The following DPYS variants were observed in gnomAD, a reference collection of about 807,000 sequenced individuals.
DPYS encodes dihydropyrimidine amidohydrolase.
Under a neutral mutation model 50.3 loss-of-function variants are expected in DPYS, and 39 were observed. The ratio of observed to expected loss-of-function variants is 0.78; its 90% confidence interval spans 0.60 to 1.01. The LOEUF is 1.01. Among genes scored for constraint, DPYS ranks in the 50% least tolerant of loss-of-function variants. The pLI, the probability that DPYS is intolerant of heterozygous loss-of-function variation, is 0.00. For missense variants in DPYS, 659 were observed against 680.9 expected, an observed-to-expected ratio of 0.97 and a Z score of 0.36; for synonymous variants, 245 against 250.7, an observed-to-expected ratio of 0.98 and a Z score of 0.22.
At chr8:104,442,349 G>T (rs1329606392) in intron 4 of DPYS, among the ~76,000 whole-genome samples, 3 of 152,160 alleles carry the variant, frequency 2.0e-5, no homozygotes, top group Admixed American at 6.5e-5. Context: ...CTTCCTGACA[G>T]AACAGTCAAA....
intron 8 of DPYS, among the ~76,000 whole-genome samples, chr8:104,391,972 T>C (rs908581629): frequency 2.6e-5 from 4 of 152,100 alleles, no homozygotes; most frequent in African/African-American, 9.7e-5. Context: ...AAGGAAACAT[T>C]GTTGTCATTT....
At chr8:104,419,363 T>G (rs1812475159) in intron 7 of DPYS, 2 of 152,306 alleles carry the variant, frequency 1.3e-5, no homozygotes, top group African/African-American at 2.4e-5. Context: ...TTATTGTGCT[T>G]CTTCTCTATG....
In DPYS at chr8:104,463,325, T is replaced by A. The variant is rs578197718; in HGVS notation, c.264+3332A>T. 7.9e-5 allele frequency among the ~76,000 whole-genome samples: 12 copies of A among 152,348 alleles called. No individual in the cohort carries two copies. In the East Asian group the frequency reaches 2.3e-3, roughly 29 times the overall value. On this transcript the variant is annotated intron_variant, in intron 1 of 9. Coordinates refer to ENST00000351513, the MANE Select transcript of DPYS (RefSeq NM_001385.3). Reference sequence around the variant, plus strand: ...ACTTATTTTGATAACCTTAACTGCCTCTAGCTTTAGGAAAGTGAAGAGTTA... The same window carrying A: ...ACTTATTTTGATAACCTTAACTGCCACTAGCTTTAGGAAAGTGAAGAGTTA...
chr8:104,416,425 C>A (rs1007851230), intron 7 of DPYS, among the ~76,000 whole-genome samples: 6 of 152,180 alleles, frequency 3.9e-5, no homozygotes, highest in African/African-American at 1.4e-4. Context: ...TGGTACAGCC[C>A]TGATATTGTG....
Position 104,424,269 on chromosome 8 carries a change from T to C in DPYS, c.1213A>G (p.Ile405Val). Reference protein sequence around the residue: ...IAVGSDADIVIWDPKGTRTIS... With the variant: ...IAVGSDADIVVWDPKGTRTIS... Reference sequence around the variant, plus strand: ...TACCTTGTGCCTTTTGGGTCCCAAATAACAATGTCAGCATCTGATCCTACA... The same window carrying C: ...TACCTTGTGCCTTTTGGGTCCCAAACAACAATGTCAGCATCTGATCCTACA... Residue 405 changes from isoleucine (I) to valine (V), a missense_variant, in exon 7 of 10, where the codon ATT (isoleucine) becomes GTT (valine). By Grantham distance (29) the Ile-to-Val change is conservative. Coordinates refer to ENST00000351513, the MANE Select transcript of DPYS (RefSeq NM_001385.3). 1 of 1,614,140 alleles carries C rather than the reference T, an allele frequency of 6.2e-7. No homozygotes were observed. The highest frequency in any genetic ancestry group is 8.5e-7 in the Non-Finnish European group (1 of 1,180,000).
chr8:104,408,396 C>T (rs1812066226), intron 7 of DPYS, among the ~76,000 whole-genome samples: 1 of 152,088 alleles, frequency 6.6e-6, no homozygotes, highest in African/African-American at 2.4e-5. Flanking sequence ...ATAGATATTT[C>T]TCCATAAGAA....
intron 1 of DPYS, among the ~76,000 whole-genome samples, chr8:104,456,274 T>G (rs1224620141): frequency 6.6e-6 from 1 of 152,186 alleles, no homozygotes; most frequent in African/African-American, 2.4e-5. Flanking sequence ...ATTCCTGCTA[T>G]TAAGTGACAC....
At position 104,390,499 on chromosome 8, in the gene DPYS, CT is replaced by C. The variant is rs551429478; in HGVS notation, c.1443+2284del. On this transcript the variant is annotated intron_variant, in intron 8 of 9. Transcript: ENST00000351513. The stretch of plus-strand genomic sequence containing the variant: ...TTCTTGAAGCTTCAGTTCTCTTTAA[CT>C]TTTTTTTTTTTTTTTAAGACAGAGT... Among the ~76,000 whole-genome samples the C allele has an allele frequency of 3.9e-3, 553 of 141,620 alleles. 1 individual carries two copies. The highest frequency in any genetic ancestry group is 6.4e-3 in the South Asian group (28 of 4,406). 92.9% of individuals were successfully genotyped at this position (141,620 alleles called of 152,430 possible).
chr8:104,438,809 G>A (rs1440806710), intron 4 of DPYS, among the ~76,000 whole-genome samples: 2 of 152,100 alleles, frequency 1.3e-5, no homozygotes, highest in African/African-American at 2.4e-5. Context: ...CAGGCTGGGC[G>A]TGGTGGCTCA....
chr8:104,423,523 C>T (rs1032929510), intron 7 of DPYS, among the ~76,000 whole-genome samples: 3 of 152,240 alleles, frequency 2.0e-5, no homozygotes, highest in Non-Finnish European at 2.9e-5. Flanking sequence ...AATGCCTGTA[C>T]GAGGAGGCAG....
intron 4 of DPYS, among the ~76,000 whole-genome samples, chr8:104,442,874 C>A (rs932440066): frequency 1.3e-5 from 2 of 152,134 alleles, no homozygotes; most frequent in African/African-American, 4.8e-5. Flanking sequence ...CTAACCTGGG[C>A]AACATGGCGA....
At chr8:104,447,586 G>A (rs1387978747) in intron 2 of DPYS, 83 bp from the exon 3 acceptor site, 11 of 1,487,008 alleles carry the variant, frequency 7.4e-6, no homozygotes, top group South Asian at 1.1e-5. Flanking sequence ...CGTTGCATTC[G>A]GAAGAGAACT....
intron 1 of DPYS, among the ~76,000 whole-genome samples, chr8:104,459,552 T>C (rs1038290196): frequency 1.3e-5 from 2 of 152,238 alleles, no homozygotes; most frequent in Admixed American, 1.3e-4. Flanking sequence ...TTTGGGATTA[T>C]TCCATATTAG....
chr8:104,430,281 A>C (rs970822570), intron 4 of DPYS, among the ~76,000 whole-genome samples: 1 of 152,186 alleles, frequency 6.6e-6, no homozygotes, highest in Non-Finnish European at 1.5e-5. Context: ...TCCTCAAAAA[A>C]CGTGTATTAA....
At chr8:104,393,585 T>C (rs1490817885) in intron 7 of DPYS, among the ~76,000 whole-genome samples, 2 of 152,188 alleles carry the variant, frequency 1.3e-5, no homozygotes, top group Non-Finnish European at 2.9e-5. Context: ...AATAATAAAA[T>C]ACGTTGGAAT....
intron 4 of DPYS, among the ~76,000 whole-genome samples, chr8:104,443,455 C>T (rs1475008430): frequency 6.6e-6 from 1 of 152,176 alleles, no homozygotes; most frequent in African/African-American, 2.4e-5. Context: ...GCTTCAATTG[C>T]TCCAACATCC....
intron 3 of DPYS, among the ~76,000 whole-genome samples, chr8:104,446,354 A>G (rs1813529652): frequency 6.6e-6 from 1 of 152,220 alleles, no homozygotes; most frequent in South Asian, 2.1e-4. Context: ...ATTGATTCAG[A>G]CAAACAAAAT....
chr8:104,382,924 C>G (rs1428723857), intron 8 of DPYS, among the ~76,000 whole-genome samples: 2 of 152,188 alleles, frequency 1.3e-5, no homozygotes, highest in African/African-American at 4.8e-5. Context: ...TCCTCAGATC[C>G]CATTCCGTCT....
chr8:104,463,985 C>T (rs1235036023), intron 1 of DPYS, among the ~76,000 whole-genome samples: 2 of 152,158 alleles, frequency 1.3e-5, no homozygotes, highest in South Asian at 2.1e-4. Flanking sequence ...CTCTTGGGAT[C>T]CAACCAACTG....
Sources: gnomAD v4.1 joint callset for allele counts (sites outside exome capture counted in the v4.1 genomes callset) on GRCh38, gnomAD v4.1.1 for gene constraint, MANE v1.5 for transcripts, NCBI Gene and HGNC (gene_info 2026-07-23, HGNC 2026-07-21) for gene names.